The following TMPRSS9 variants were observed in gnomAD, a reference collection of about 807,000 sequenced individuals.
The protein encoded by TMPRSS9 is transmembrane protease serine 9.
Under a neutral mutation model 111.4 loss-of-function variants are expected in TMPRSS9, and 113 were observed. The ratio of observed to expected loss-of-function variants is 1.01; its 90% CI spans 0.87 to 1.19. TMPRSS9 has a LOEUF of 1.19. TMPRSS9 is among the 50% of genes most tolerant of loss of function. The pLI, the probability that TMPRSS9 is intolerant of heterozygous loss-of-function variation, is 0.00. For synonymous variants in TMPRSS9, 805 were observed against 659.1 expected, an observed-to-expected ratio of 1.22 and a Z score of -3.39; for missense variants, 1,803 against 1,513.1, an observed-to-expected ratio of 1.19 and a Z score of -3.18.
intron 1 of TMPRSS9, among the ~76,000 whole-genome samples, chr19:2,374,092 T>A (rs1399832838): frequency 6.6e-6 from 1 of 151,926 alleles, no homozygotes; most frequent in African/African-American, 2.4e-5. Context: ...TTTATAACAT[T>A]TTCCCGAGCT....
exon 14 of TMPRSS9, chr19:2,422,215 C>A (rs1324099366): frequency 2.6e-6 from 4 of 1,520,602 alleles, no homozygotes; most frequent in East Asian, 2.3e-5. Flanking sequence ...TTTCCAGACG[C>A]CCCGGAGGCC....
intron 11 of TMPRSS9, 146 bp from the exon 13 acceptor site, chr19:2,416,392 C>T (rs1971231082): frequency 9.2e-7 from 1 of 1,089,336 alleles, no homozygotes; most frequent in African/African-American, 1.6e-5. Flanking sequence ...CCCTGGTCCT[C>T]CTCCCTGGAG....
chr19:2,424,922 C>G, intron 15 of TMPRSS9, 80 bp from the exon 17 acceptor site: 1 of 1,358,010 alleles, frequency 7.4e-7, no homozygotes, highest in Non-Finnish European at 9.4e-7. Context: ...GGGTGCCAGC[C>G]GGCCGCTGGG....
chr19:2,417,181 G>A (rs1357581263), intron 12 of TMPRSS9, among the ~76,000 whole-genome samples: 4 of 152,152 alleles, frequency 2.6e-5, no homozygotes, highest in South Asian at 2.1e-4. Flanking sequence ...AATGTTTGCC[G>A]GCGGCCACAT....
At position 2,391,565 on chromosome 19, in the gene TMPRSS9, CAT is replaced by C. The variant is rs1384564216; in HGVS notation, c.142+1639_142+1640del. 3.4e-5 allele frequency among the ~76,000 whole-genome samples: 5 copies of C among 148,288 alleles called. No individual in the cohort carries two copies. In the East Asian group the frequency reaches 6.0e-4, roughly 18 times the overall value. On this transcript the variant is annotated intron_variant, in intron 1 of 17. Transcript: ENST00000648592. Reference sequence around the variant, plus strand: ...GTTCATTTGCATGCGTTTGTGCATGCATGTGTGTGTCTGCGTGTGTATCTATG... The same window carrying C: ...GTTCATTTGCATGCGTTTGTGCATGCGTGTGTGTCTGCGTGTGTATCTATG...
At chr19:2,360,620 C>T (rs930955598) in intron 1 of TMPRSS9, among the ~76,000 whole-genome samples, 1 of 149,316 alleles carries the variant, frequency 6.7e-6, no homozygotes, top group Non-Finnish European at 1.5e-5. Context: ...GACTCAGGTG[C>T]CGCGTGTAGA....
At chr19:2,399,401 C>A (rs1236184961) in intron 4 of TMPRSS9, among the ~76,000 whole-genome samples, 2 of 152,104 alleles carry the variant, frequency 1.3e-5, no homozygotes, top group African/African-American at 2.4e-5. Flanking sequence ...CTGGCCAACA[C>A]CCCATCTGTA....
At chr19:2,413,516 T>A (rs1276276491) in intron 9 of TMPRSS9, among the ~76,000 whole-genome samples, 184 bp from the exon 11 acceptor site, 1 of 152,184 alleles carries the variant, frequency 6.6e-6, no homozygotes, top group Admixed American at 6.6e-5. Flanking sequence ...GGGTTTTGTT[T>A]TTTTTCCTCC....
At chr19:2,422,837 G>A (rs1971497557) in intron 14 of TMPRSS9, among the ~76,000 whole-genome samples, 1 of 151,774 alleles carries the variant, frequency 6.6e-6, no homozygotes, top group African/African-American at 2.4e-5. Flanking sequence ...GCAGTGAGCC[G>A]AGATCGTGCC....
At chr19:2,396,539 C>A in exon 2 of TMPRSS9, 1 of 1,602,702 alleles carries the variant, frequency 6.2e-7, no homozygotes, top group African/African-American at 1.3e-5. Flanking sequence ...TCGTCCCCAG[C>A]CTTCCTCTCT....
At chr19:2,393,723 A>G (rs931130194) in intron 1 of TMPRSS9, among the ~76,000 whole-genome samples, 8 of 150,772 alleles carry the variant, frequency 5.3e-5, no homozygotes, top group Non-Finnish European at 3.0e-5. Flanking sequence ...CATGGGTGAA[A>G]CCCTGTCTTT....
intron 1 of TMPRSS9, among the ~76,000 whole-genome samples, chr19:2,384,650 CT>C (rs1254974875): frequency 4.6e-5 from 7 of 151,658 alleles, no homozygotes; most frequent in Non-Finnish European, 8.8e-5. Flanking sequence ...CCCGTCTCTA[CT>C]AAAAATACAA....
chr19:2,393,120 G>C (rs367886319), intron 1 of TMPRSS9, among the ~76,000 whole-genome samples: 5 of 152,174 alleles, frequency 3.3e-5, no homozygotes, highest in African/African-American at 7.2e-5. Context: ...CCAGATAAGG[G>C]AATAAAAGCG....
At position 2,418,319 on chromosome 19, in the gene TMPRSS9, C is replaced by T. The variant is rs1242891279; in HGVS notation, c.2154+181C>T. On this transcript the variant is annotated intron_variant, in intron 13 of 17. Transcript: ENST00000648592. ...TCCTTCCCTCCCTTTCCCTCCCTCC[C>T]TCCCTCCCTCCCTTTCCTTCCCTCC... Among the ~76,000 whole-genome samples the T allele has an allele frequency of 4.1e-3, 163 of 39,640 alleles. 28 individuals are homozygous for T. Among genetic ancestry groups the T allele is most frequent in the African/African-American group, 0.023 (133 of 5,684 alleles). The allele number at this position is 39,640 out of a possible 152,430, so 26.0% of individuals were successfully genotyped here. A position where few individuals can be genotyped will look rare whatever the true frequency, so the allele number is the denominator to read the frequency against.
chr19:2,413,579 T>G, intron 9 of TMPRSS9, 121 bp from the exon 11 acceptor site: 274 of 1,109,914 alleles, frequency 2.5e-4, no homozygotes, highest in Non-Finnish European at 3.4e-4. Flanking sequence ...AGGTGCTCTG[T>G]GAGCTTGTGT....
rs1971326258 is a variant in TMPRSS9 at position 2,418,351 on chromosome 19, C to CTCCCTCCCTTCCCT, written c.2154+222_2154+223insTCCCTTCCCTCCCT. ...CCTCCCTTTCCTTCCCTCCCTTTCC[C>CTCCCTCCCTTCCCT]TCCCTCCCTCCCTTCCCTTCCCTCC... On this transcript the variant is annotated intron_variant, in intron 13 of 17. Coordinates refer to ENST00000648592, the Ensembl canonical transcript of TMPRSS9. 6.9e-4 allele frequency among the ~76,000 whole-genome samples: 17 copies of CTCCCTCCCTTCCCT among 24,780 alleles called. 1 individual carries two copies. Among genetic ancestry groups the CTCCCTCCCTTCCCT allele is most frequent in the Non-Finnish European group, 6.9e-4 (10 of 14,570 alleles). 16.3% of individuals were successfully genotyped at this position (24,780 alleles called of 152,430 possible). A position where few individuals can be genotyped will look rare whatever the true frequency, so the allele number is the denominator to read the frequency against.
chr19:2,368,798 TTTTA>T lies in TMPRSS9; in HGVS notation c.-26+8439_-26+8442del, dbSNP rs1295695230. ...AGTTTTTTTTTTTTTTTTTTTTTTTTTTTAAAGACAGAGTCTCACTCTGTCGCCC... is the reference window on the plus strand; with the variant it reads ...AGTTTTTTTTTTTTTTTTTTTTTTTTAAGACAGAGTCTCACTCTGTCGCCC... On this transcript the variant is annotated intron_variant, in intron 1 of 17. Coordinates refer to the TMPRSS9 transcript ENST00000649857. 3.0e-3 allele frequency among the ~76,000 whole-genome samples: 382 copies of T among 127,390 alleles called. 41 individuals carry two copies. Among genetic ancestry groups the T allele is most frequent in the Middle Eastern group, 7.4e-3 (2 of 272 alleles). 83.6% of individuals were successfully genotyped at this position (127,390 alleles called of 152,430 possible). A position where few individuals can be genotyped will look rare whatever the true frequency, so the allele number is the denominator to read the frequency against.
intron 5 of TMPRSS9, among the ~76,000 whole-genome samples, chr19:2,402,365 C>A (rs1294030073): frequency 6.6e-6 from 1 of 152,040 alleles, no homozygotes; most frequent in African/African-American, 2.4e-5. Context: ...TCGCTTGAAC[C>A]CAGGAGGCAG....
chr19:2,364,765 C>T (rs1183699286), intron 1 of TMPRSS9, among the ~76,000 whole-genome samples: 1 of 151,884 alleles, frequency 6.6e-6, no homozygotes, highest in Non-Finnish European at 1.5e-5. Context: ...GCGGGCCGAT[C>T]ATGAGGTCAG....
Sources: allele counts gnomAD v4.1 joint callset (sites outside exome capture counted in the v4.1 genomes callset), GRCh38; gene constraint gnomAD v4.1.1; transcripts MANE v1.5; gene names NCBI Gene and HGNC (gene_info 2026-07-23, HGNC 2026-07-21).